ELAVL2: variants seen among roughly 807,000 people sequenced by gnomAD.
ELAVL2 encodes the protein ELAV like RNA binding protein 2, also known as ELAV-like protein 2.
Under a neutral mutation model 34.6 loss-of-function variants are expected in ELAVL2, and 4 were observed. That is an observed-to-expected ratio of 0.12 (90% CI 0.06 to 0.26). ELAVL2 has a LOEUF of 0.26. ELAVL2 is among the 10% of genes least tolerant of loss of function. The pLI is 1.00. For missense variants in ELAVL2, 432 were observed against 442.8 expected, an observed-to-expected ratio of 0.98 and a Z score of 0.22; for synonymous variants, 193 against 154.8, an observed-to-expected ratio of 1.25 and a Z score of -1.83.
chr9:23,790,732 T>C (rs930133445), intron 1 of ELAVL2, among the ~76,000 whole-genome samples: 4 of 152,242 alleles, frequency 2.6e-5, no homozygotes, highest in Non-Finnish European at 5.9e-5. Flanking sequence ...TTATGTTTTA[T>C]ATATTACGGT....
chr9:23,724,613 G>C (rs577426403), intron 3 of ELAVL2, among the ~76,000 whole-genome samples: 1 of 152,282 alleles, frequency 6.6e-6, no homozygotes, highest in East Asian at 1.9e-4. Context: ...AGTCATCTGT[G>C]ACTTCTCACT....
chr9:23,801,151 G>C (rs1463489555), intron 1 of ELAVL2, among the ~76,000 whole-genome samples: 7 of 152,068 alleles, frequency 4.6e-5, no homozygotes, highest in African/African-American at 1.7e-4. Flanking sequence ...CTTTCTGTTT[G>C]GAAGTAGGTA....
At chr9:23,803,155 C>T (rs770560540) in intron 1 of ELAVL2, among the ~76,000 whole-genome samples, 11 of 152,172 alleles carry the variant, frequency 7.2e-5, no homozygotes, top group Non-Finnish European at 1.3e-4. Context: ...GTTCCTCCAG[C>T]TCTGGGACTA....
chr9:23,833,470 A>C, the ELAVL2 span, among the ~76,000 whole-genome samples: 5 of 151,876 alleles, frequency 3.3e-5, no homozygotes, highest in Admixed American at 3.3e-4. Flanking sequence ...TACAGATGAA[A>C]AGATACACTG....
At chr9:23,737,860 A>G (rs927839756) in intron 2 of ELAVL2, among the ~76,000 whole-genome samples, 1 of 152,244 alleles carries the variant, frequency 6.6e-6, no homozygotes, top group Admixed American at 6.5e-5. Flanking sequence ...TTTAAAAAGC[A>G]AAATGGAAAG....
intron 3 of ELAVL2, among the ~76,000 whole-genome samples, chr9:23,723,530 A>G (rs1459015861): frequency 2.6e-5 from 4 of 152,026 alleles, no homozygotes; most frequent in African/African-American, 9.7e-5. Context: ...TGACCTGCAC[A>G]TTGTGCACAT....
At chr9:23,833,861 T>C in the ELAVL2 span, among the ~76,000 whole-genome samples, 1 of 152,016 alleles carries the variant, frequency 6.6e-6, no homozygotes, top group African/African-American at 2.4e-5. Flanking sequence ...AAAGTCTTCA[T>C]GTTTTTGTTT....
chr9:23,710,957 C>G (rs774007987), intron 3 of ELAVL2, among the ~76,000 whole-genome samples: 1 of 152,050 alleles, frequency 6.6e-6, no homozygotes, highest in Admixed American at 6.6e-5. Context: ...AAAATTCACC[C>G]AAAAGGAAGA....
Position 23,731,010 on chromosome 9 carries a change from C to A in ELAVL2, c.333+12G>T, listed in dbSNP as rs755352538. On this transcript the variant is annotated intron_variant, in intron 3 of 6. Transcript: ENST00000397312. Reference sequence around the variant, plus strand: ...TGTTCCGCAAGTAGATATAAAAAAACTTTAAACATACTTTTATTGTTTTGG... The same window carrying A: ...TGTTCCGCAAGTAGATATAAAAAAAATTTAAACATACTTTTATTGTTTTGG... 2.5e-6 allele frequency: 4 copies of A among 1,601,434 alleles called. No individual in the cohort carries two copies. The East Asian group carries it at 9.0e-5, about 36-fold the overall frequency.
At chr9:23,724,881 T>C (rs368250730) in intron 3 of ELAVL2, among the ~76,000 whole-genome samples, 8 of 152,266 alleles carry the variant, frequency 5.3e-5, no homozygotes, top group African/African-American at 1.9e-4. Flanking sequence ...TCAATTTTTT[T>C]TTTGTCTGGA....
chr9:23,722,395 T>TA (rs2043964703), intron 3 of ELAVL2, among the ~76,000 whole-genome samples: 1 of 152,218 alleles, frequency 6.6e-6, no homozygotes, highest in Admixed American at 6.5e-5. Flanking sequence ...TTAACTCACT[T>TA]ATCTGCTAAG....
At chr9:23,772,965 T>A (rs758200724) in intron 1 of ELAVL2, among the ~76,000 whole-genome samples, 1 of 152,184 alleles carries the variant, frequency 6.6e-6, no homozygotes, top group Non-Finnish European at 1.5e-5. Context: ...AAGACAGCTT[T>A]CTTTAAAAAC....
At chr9:23,801,828 GC>G (rs1240997207) in intron 1 of ELAVL2, among the ~76,000 whole-genome samples, 1 of 152,130 alleles carries the variant, frequency 6.6e-6, no homozygotes, top group Non-Finnish European at 1.5e-5. Context: ...ACCCCATTTT[GC>G]ATTTTAAAGG....
At chr9:23,810,802 T>C (rs899220027) in intron 1 of ELAVL2, among the ~76,000 whole-genome samples, 1 of 152,278 alleles carries the variant, frequency 6.6e-6, no homozygotes, top group East Asian at 1.9e-4. Flanking sequence ...CAAGTTTCTA[T>C]AAGGACAGAA....
At chr9:23,723,701 A>G (rs1240455641) in intron 3 of ELAVL2, among the ~76,000 whole-genome samples, 2 of 152,156 alleles carry the variant, frequency 1.3e-5, no homozygotes, top group Non-Finnish European at 2.9e-5. Context: ...GTCTTCTATC[A>G]TGATGCACAT....
In ELAVL2 at chr9:23,692,752, C is replaced by T. The variant is rs1364245900; in HGVS notation, c.885G>A (p.Met295Ile). ...TGGTGACAGCTCCAAAAGGCCCAAA[C>T]ATTTGCCACAGGATACTCTCATCTG... ...PDADESILWQ[M>I]FGPFGAVTNV... Residue 295 changes from methionine (M) to isoleucine (I), a missense_variant, in exon 7 of 7, where the codon ATG (methionine) becomes ATA (isoleucine). Physicochemically the swap from Met to Ile is conservative, Grantham distance 10 (BLOSUM62 1). This residue lies in a region of ELAVL2 where 295 missense variants were observed against 306.1 expected (regional missense o/e 0.96). Transcript: ENST00000397312. The T allele has an allele frequency of 2.5e-6, 4 of 1,614,172 alleles. No individual in the cohort carries two copies. The highest frequency in any genetic ancestry group is 3.4e-6 in the Non-Finnish European group (4 of 1,179,998).
chr9:23,837,373 C>A, the ELAVL2 span, among the ~76,000 whole-genome samples: 2 of 152,148 alleles, frequency 1.3e-5, no homozygotes, highest in African/African-American at 2.4e-5. Flanking sequence ...TATTATTTAT[C>A]CCGCTAACTA....
intron 3 of ELAVL2, among the ~76,000 whole-genome samples, chr9:23,717,136 G>A (rs10491816): frequency 0.19 from 28,152 of 152,092 alleles, 2,954 homozygotes; most frequent in South Asian, 0.38. Flanking sequence ...ATAACTAGAA[G>A]AAAAACTGCT....
intron 3 of ELAVL2, among the ~76,000 whole-genome samples, chr9:23,716,462 T>C (rs2042336888): frequency 6.6e-6 from 1 of 152,136 alleles, no homozygotes. Context: ...AAGTTAAAAA[T>C]GGCATTAAAA....
Sources: allele counts gnomAD v4.1 joint callset (sites outside exome capture counted in the v4.1 genomes callset), GRCh38; gene constraint gnomAD v4.1.1; regional missense constraint gnomAD v4.1.1; transcripts MANE v1.5; gene names NCBI Gene and HGNC (gene_info 2026-07-23, HGNC 2026-07-21).